DLGAP1: variants seen among roughly 807,000 people sequenced by gnomAD.
DLGAP1 encodes DLG associated protein 1, also known as disks large-associated protein 1.
In DLGAP1, 11 loss-of-function variants were observed where a neutral mutation model predicts 90.8. That is an observed-to-expected ratio of 0.12 (90% CI 0.08 to 0.20). The LOEUF is 0.20. Among genes scored for constraint, DLGAP1 ranks in the 10% least tolerant of loss-of-function variants. The pLI is 1.00. For missense variants in DLGAP1, 1,050 were observed against 1,333.8 expected (o/e 0.79, Z 3.31); for synonymous variants, 558 against 540.7 (o/e 1.03, Z -0.44).
intron 1 of DLGAP1, among the ~76,000 whole-genome samples, chr18:4,163,161 C>G (rs1216355089): frequency 6.6e-6 from 1 of 152,174 alleles, no homozygotes; most frequent in Non-Finnish European, 1.5e-5. Flanking sequence ...CATCTTTGCT[C>G]ATAAGCTTGT....
chr18:3,898,020 T>C (rs2071688115), intron 3 of DLGAP1, among the ~76,000 whole-genome samples: 1 of 151,938 alleles, frequency 6.6e-6, no homozygotes, highest in Non-Finnish European at 1.5e-5. Context: ...GGTCTCGATC[T>C]CCTGACCTCG....
intron 5 of DLGAP1, among the ~76,000 whole-genome samples, chr18:3,757,242 T>C (rs1275712230): frequency 6.6e-6 from 1 of 152,070 alleles, no homozygotes; most frequent in African/African-American, 2.4e-5. Context: ...ACCCCATCTC[T>C]ACTAAAAATA....
intron 1 of DLGAP1, among the ~76,000 whole-genome samples, chr18:4,182,000 T>C (rs888393580): frequency 1.3e-5 from 2 of 152,156 alleles, no homozygotes; most frequent in Non-Finnish European, 2.9e-5. Context: ...TGCTCCAGCC[T>C]ATTTTTCAGT....
intron 3 of DLGAP1, among the ~76,000 whole-genome samples, chr18:3,927,470 T>C (rs1424668515): frequency 6.6e-6 from 1 of 152,236 alleles, no homozygotes; most frequent in African/African-American, 2.4e-5. Context: ...AAATATAATA[T>C]ATGGCTGTTG....
rs1425377730 is a variant in DLGAP1 at position 4,455,307 on chromosome 18, T to A, written c.-568A>T. On this transcript the variant is annotated 5_prime_UTR_variant, in exon 1 of 13. Coordinates refer to ENST00000315677, the MANE Select transcript of DLGAP1 (RefSeq NM_004746.4). ...GCGGGCTGGGGCTGCAAGGCTGGGCTGGTGACCCGCCCCTGGGTGCATGTT... is the reference window on the plus strand; with the variant it reads ...GCGGGCTGGGGCTGCAAGGCTGGGCAGGTGACCCGCCCCTGGGTGCATGTT... 1 of 152,224 alleles carries A rather than the reference T, an allele frequency of 6.6e-6. No individual in the cohort carries two copies. Among genetic ancestry groups the A allele is most frequent in the Non-Finnish European group, 1.5e-5 (1 of 68,286 alleles). 9.4% of individuals were successfully genotyped at this position (152,224 alleles called of 1,614,324 possible).
At chr18:4,319,511 G>A (rs1055562266) in intron 1 of DLGAP1, among the ~76,000 whole-genome samples, 1 of 152,166 alleles carries the variant, frequency 6.6e-6, no homozygotes, top group Non-Finnish European at 1.5e-5. Flanking sequence ...GGGATCCTGG[G>A]AGGAGAAATT....
At chr18:4,430,145 T>C (rs1004911395) in intron 1 of DLGAP1, among the ~76,000 whole-genome samples, 11 of 152,130 alleles carry the variant, frequency 7.2e-5, no homozygotes, top group African/African-American at 2.2e-4. Context: ...AGAGAGCACA[T>C]GGGGTATTTC....
chr18:4,354,948 T>A (rs1598269536), intron 1 of DLGAP1, among the ~76,000 whole-genome samples: 1 of 83,762 alleles, frequency 1.2e-5, no homozygotes, highest in East Asian at 4.1e-4. Flanking sequence ...CACATCAGAA[T>A]GGCTAAAACA....
At chr18:4,136,385 A>C (rs2076402200) in intron 2 of DLGAP1, among the ~76,000 whole-genome samples, 1 of 152,138 alleles carries the variant, frequency 6.6e-6, no homozygotes, top group Admixed American at 6.5e-5. Flanking sequence ...TTTTCCCCAC[A>C]TCCTCACCAG....
chr18:3,804,328 T>C (rs2066466504), intron 5 of DLGAP1, among the ~76,000 whole-genome samples: 1 of 152,200 alleles, frequency 6.6e-6, no homozygotes, highest in Non-Finnish European at 1.5e-5. Flanking sequence ...ATGTGATCAT[T>C]GAAGAACACC....
At chr18:4,176,706 A>C (rs1182152180) in intron 1 of DLGAP1, among the ~76,000 whole-genome samples, 2 of 152,196 alleles carry the variant, frequency 1.3e-5, no homozygotes, top group African/African-American at 4.8e-5. Flanking sequence ...CATTTATGTC[A>C]ACTTGGTGAA....
At chr18:4,125,732 C>T (rs1012808895) in intron 2 of DLGAP1, among the ~76,000 whole-genome samples, 6 of 152,132 alleles carry the variant, frequency 3.9e-5, no homozygotes, top group African/African-American at 1.2e-4. Flanking sequence ...AAGTAACGGA[C>T]GTTGAAGAAA....
At position 3,797,325 on chromosome 18, in the gene DLGAP1, G is replaced by GAA. The variant is rs746881430; in HGVS notation, c.1172+16732_1172+16733dup. On this transcript the variant is annotated intron_variant, in intron 5 of 12. Coordinates refer to ENST00000315677, the MANE Select transcript of DLGAP1 (RefSeq NM_004746.4). Reference sequence around the variant, plus strand: ...TGGCAACACAGCAAGACTGTCTCAGGAAAAAAAAAAAAAAAGAAGAAGAAC... The same window carrying GAA: ...TGGCAACACAGCAAGACTGTCTCAGGAAAAAAAAAAAAAAAAAGAAGAAGAAC... Among the ~76,000 whole-genome samples, 30 of 132,926 alleles carry GAA rather than the reference G, an allele frequency of 2.3e-4. No homozygotes were observed. The East Asian group carries it at 3.3e-3, about 15-fold the overall frequency. The allele number at this position is 132,926 out of a possible 152,430, so 87.2% of individuals were successfully genotyped here.
intron 4 of DLGAP1, among the ~76,000 whole-genome samples, chr18:3,859,425 C>T (rs1263815221): frequency 1.3e-5 from 2 of 152,176 alleles, no homozygotes; most frequent in African/African-American, 4.8e-5. Flanking sequence ...CAAAGACGCC[C>T]ATGTCTTAAT....
At chr18:4,113,852 A>G (rs1283756234) in intron 2 of DLGAP1, among the ~76,000 whole-genome samples, 1 of 152,084 alleles carries the variant, frequency 6.6e-6, no homozygotes, top group African/African-American at 2.4e-5. Context: ...TTCCAGCACC[A>G]TTTATTGAAT....
At chr18:4,249,081 C>T (rs960263018) in intron 1 of DLGAP1, among the ~76,000 whole-genome samples, 5 of 152,162 alleles carry the variant, frequency 3.3e-5, no homozygotes, top group African/African-American at 7.2e-5. Context: ...TTGAAAATCC[C>T]GAGGCACTCC....
Position 3,879,864 on chromosome 18 carries a change from T to C in DLGAP1, c.205A>G (p.Thr69Ala). The change falls in exon 4 of 13, where the codon ACC becomes GCC. Residue 69 changes from threonine (T) to alanine (A), a missense_variant. Thr to Ala is a moderately conservative substitution (Grantham distance 58, BLOSUM62 0). Around this residue, in one of 2 missense-constraint regions of DLGAP1, gnomAD observed 485 missense variants for 454.1 expected, o/e 1.07. Transcript: ENST00000315677. The surrounding 1 kb of genome is among the most constrained non-coding windows in gnomAD (Gnocchi z 6.6). ...GPFSDPLASS[T>A]FPRRHYTSQQ... ...GAGGTGTAGTGCCTGCGGGGGAAGG[T>C]GCTGCTGGCCAGCGGGTCGCTGAAG... 1 of 1,610,530 alleles carries C rather than the reference T, an allele frequency of 6.2e-7. No individual in the cohort carries two copies. The highest frequency in any genetic ancestry group is 8.5e-7 in the Non-Finnish European group (1 of 1,179,510).
chr18:3,883,653 T>C (rs2148837132), intron 3 of DLGAP1, among the ~76,000 whole-genome samples: 1 of 152,306 alleles, frequency 6.6e-6, no homozygotes, highest in Non-Finnish European at 1.5e-5. Context: ...CCCAAAGTGG[T>C]TCATAGTGTG....
chr18:3,599,003 A>T (rs1015533198), intron 7 of DLGAP1, among the ~76,000 whole-genome samples: 2 of 151,428 alleles, frequency 1.3e-5, no homozygotes, highest in African/African-American at 4.9e-5. Flanking sequence ...CGAACTCCTG[A>T]TCTCAAGTGA....
Sources: gnomAD v4.1 joint callset for allele counts (sites outside exome capture counted in the v4.1 genomes callset) on GRCh38, gnomAD v4.1.1 for gene constraint, gnomAD v4.1.1 regional missense constraint, Gnocchi (gnomAD v3.1) non-coding constraint, MANE v1.5 for transcripts, NCBI Gene and HGNC (gene_info 2026-07-23, HGNC 2026-07-21) for gene names.